The following NCKAP5 variants were observed in gnomAD, a reference collection of about 807,000 sequenced individuals.
NCKAP5 encodes NCK associated protein 5.
In NCKAP5, 92 loss-of-function variants were observed where a neutral mutation model predicts 167.0. The observed-to-expected ratio is 0.55, with a 90% CI of 0.47 to 0.66. The LOEUF is 0.66. Among genes scored for constraint, NCKAP5 ranks in the 30% least tolerant of loss-of-function variants. The probability of loss-of-function intolerance (pLI) is 0.00; values close to 1 mark genes in which losing one functional copy is unlikely to be tolerated. For synonymous variants in NCKAP5, 891 were observed against 877.4 expected, an observed-to-expected ratio of 1.02 and a Z score of -0.27; for missense variants, 2,378 against 2,315.0, an observed-to-expected ratio of 1.03 and a Z score of -0.56.
chr2:133,000,768 A>T (rs2077751167), intron 6 of NCKAP5, among the ~76,000 whole-genome samples: 1 of 152,298 alleles, frequency 6.6e-6, no homozygotes, highest in Non-Finnish European at 1.5e-5. Flanking sequence ...CAACTATCCT[A>T]TGCATTTCCT....
chr2:133,265,868 C>T (rs368861429), intron 4 of NCKAP5, among the ~76,000 whole-genome samples: 1 of 152,274 alleles, frequency 6.6e-6, no homozygotes, highest in East Asian at 1.9e-4. Context: ...AATGGCCTCC[C>T]GGCCCGGGAA....
intron 4 of NCKAP5, among the ~76,000 whole-genome samples, chr2:133,281,385 C>G (rs920996825): frequency 1.3e-5 from 2 of 152,004 alleles, no homozygotes; most frequent in Non-Finnish European, 2.9e-5. Flanking sequence ...TGAACTAGGA[C>G]TACAACAGTT....
At chr2:133,115,823 C>T (rs145205403) in intron 6 of NCKAP5, among the ~76,000 whole-genome samples, 6 of 58,112 alleles carry the variant, frequency 1.0e-4, no homozygotes, top group East Asian at 1.8e-3. Flanking sequence ...ATATAGTGTT[C>T]ACACACACAC....
intron 16 of NCKAP5, among the ~76,000 whole-genome samples, chr2:132,733,825 G>T (rs962381643): frequency 2.0e-5 from 3 of 152,206 alleles, no homozygotes; most frequent in Non-Finnish European, 4.4e-5. Context: ...ATGGGAATGT[G>T]TACAGAGTTG....
At chr2:133,031,848 T>C (rs1018818285) in intron 6 of NCKAP5, among the ~76,000 whole-genome samples, 2 of 152,064 alleles carry the variant, frequency 1.3e-5, no homozygotes, top group African/African-American at 4.8e-5. Context: ...ACCACATATC[T>C]AGAAACACTC....
At chr2:133,230,962 G>A (rs1414427345) in intron 4 of NCKAP5, among the ~76,000 whole-genome samples, 6 of 152,130 alleles carry the variant, frequency 3.9e-5, no homozygotes, top group Non-Finnish European at 8.8e-5. Context: ...CCACACAAAT[G>A]GTTTTTAGGG....
intron 3 of NCKAP5, among the ~76,000 whole-genome samples, chr2:133,415,891 GT>G (rs548502214): frequency 9.3e-4 from 142 of 152,302 alleles, no homozygotes; most frequent in Non-Finnish European, 1.7e-3. Context: ...ATCAAATGCG[GT>G]TTTGATTCCC....
At chr2:132,958,947 C>A (rs941223360) in intron 8 of NCKAP5, among the ~76,000 whole-genome samples, 8 of 150,938 alleles carry the variant, frequency 5.3e-5, no homozygotes, top group African/African-American at 1.9e-4. Context: ...CCTGTGTCTG[C>A]CCACTGGGGT....
intron 8 of NCKAP5, among the ~76,000 whole-genome samples, chr2:132,881,182 TA>T (rs1412150746): frequency 3.3e-5 from 5 of 152,308 alleles, no homozygotes; most frequent in African/African-American, 1.2e-4. Context: ...TTTATTTATT[TA>T]TTTTTTTTGA....
intron 12 of NCKAP5, among the ~76,000 whole-genome samples, chr2:132,792,414 C>G (rs1306770805): frequency 6.6e-6 from 1 of 152,206 alleles, no homozygotes; most frequent in African/African-American, 2.4e-5. Flanking sequence ...GGTTGTGTCG[C>G]AGAGCAGCAA....
chr2:133,071,127 C>T (rs1039359318), intron 6 of NCKAP5, among the ~76,000 whole-genome samples: 2 of 152,150 alleles, frequency 1.3e-5, no homozygotes, highest in Non-Finnish European at 2.9e-5. Context: ...TTCCAGGAAG[C>T]TTCAACTATA....
At chr2:133,230,037 C>T (rs1423898317) in intron 4 of NCKAP5, among the ~76,000 whole-genome samples, 1 of 152,290 alleles carries the variant, frequency 6.6e-6, no homozygotes, top group East Asian at 1.9e-4. Context: ...TGATACTAGA[C>T]TTGGCATCTC....
chr2:132,710,941 T>C (rs1200681066), intron 19 of NCKAP5, among the ~76,000 whole-genome samples: 1 of 152,222 alleles, frequency 6.6e-6, no homozygotes, highest in Non-Finnish European at 1.5e-5. Context: ...TTGTTTCGCT[T>C]ATGCTTTGTT....
rs182998391 is a variant in NCKAP5, at chr2:133,063,562, A to C, written c.341+66416T>G. ...AAGCTTTTTATGTGACGAAAAGCTG[A>C]GAAGCTCTGTGACTAGCACAAAGAA... On this transcript the variant is annotated intron_variant, in intron 6 of 19. Transcript: ENST00000409261. 2.6e-5 allele frequency among the ~76,000 whole-genome samples: 4 copies of C among 152,380 alleles called. No homozygotes were observed. In the East Asian group the frequency reaches 7.7e-4, roughly 29 times the overall value.
chr2:133,228,987 C>T (rs747060018), intron 4 of NCKAP5, among the ~76,000 whole-genome samples: 6 of 151,972 alleles, frequency 3.9e-5, no homozygotes, highest in Non-Finnish European at 8.8e-5. Context: ...TAACAGACAG[C>T]CTAGAATCTT....
chr2:132,742,695 C>T (rs1051851352), intron 16 of NCKAP5, among the ~76,000 whole-genome samples: 1 of 151,780 alleles, frequency 6.6e-6, no homozygotes, highest in Non-Finnish European at 1.5e-5. Flanking sequence ...CAATTATATG[C>T]AGAAAAGAAG....
chr2:132,793,994 T>G (rs1019185149), intron 12 of NCKAP5, among the ~76,000 whole-genome samples: 8 of 151,792 alleles, frequency 5.3e-5, no homozygotes, highest in African/African-American at 1.9e-4. Context: ...GGTTGAGCAC[T>G]TGAACTCCAA....
chr2:133,004,711 G>T (rs1353288217), intron 6 of NCKAP5, among the ~76,000 whole-genome samples: 1 of 152,164 alleles, frequency 6.6e-6, no homozygotes, highest in Admixed American at 6.5e-5. Flanking sequence ...AGGAAACAGG[G>T]TTTGAGAGTA....
chr2:133,273,860 A>T (rs1168877366), intron 4 of NCKAP5, among the ~76,000 whole-genome samples: 2 of 151,702 alleles, frequency 1.3e-5, no homozygotes, highest in Non-Finnish European at 2.9e-5. Context: ...AGATGCTGGA[A>T]AATTTTAATA....
Sources: gnomAD v4.1 joint callset for allele counts (sites outside exome capture counted in the v4.1 genomes callset) on GRCh38, gnomAD v4.1.1 for gene constraint, MANE v1.5 for transcripts, NCBI Gene and HGNC (gene_info 2026-07-23, HGNC 2026-07-21) for gene names.